The following HPS5 variants were observed in gnomAD, a reference collection of about 807,000 sequenced individuals.
HPS5 encodes BLOC-2 complex member HPS5.
A neutral mutation model predicts 128.0 loss-of-function variants in HPS5; 83 were observed. The ratio of observed to expected loss-of-function variants is 0.65; its 90% CI spans 0.54 to 0.78. The LOEUF (loss-of-function observed/expected upper bound fraction) is 0.78, where lower values mean the gene tolerates loss of function less well. HPS5 is among the 30% of genes least tolerant of loss of function. HPS5 has a pLI of 0.00. For synonymous variants in HPS5, 475 were observed against 470.2 expected (o/e 1.01, Z -0.13); for missense variants, 1,281 against 1,326.2 (o/e 0.97, Z 0.53).
chr11:18,306,480 G>GA (rs1433705757), intron 6 of HPS5, 133 bp from the exon 7 acceptor site: 7 of 644,842 alleles, frequency 1.1e-5, no homozygotes, highest in Middle Eastern at 3.9e-4. Flanking sequence ...GCAATATACT[G>GA]AAAAAAACAA....
At chr11:18,280,378 C>A (rs1254695060) in intron 22 of HPS5, 8 of 567,528 alleles carry the variant, frequency 1.4e-5, no homozygotes, top group African/African-American at 9.5e-5. Flanking sequence ...AAAACAACAA[C>A]AGAAAATGAC....
chr11:18,293,688 G>A lies in HPS5; in HGVS notation c.1785-712C>T, dbSNP rs376716067. Among the ~76,000 whole-genome samples the A allele has an allele frequency of 1.6e-4, 25 of 152,208 alleles. No individual in the cohort carries two copies. In the South Asian group the frequency reaches 3.3e-3, roughly 20 times the overall value. On this transcript the variant is annotated intron_variant, in intron 14 of 22. Coordinates refer to ENST00000349215, the MANE Select transcript of HPS5 (RefSeq NM_181507.2). ...ATTGTGATATGAAAGCAGAGAAGAAGAAATAATTTTTCTGAGTAGGGAAAG... is the reference window on the plus strand; with the variant it reads ...ATTGTGATATGAAAGCAGAGAAGAAAAAATAATTTTTCTGAGTAGGGAAAG...
At chr11:18,297,802 G>A (rs958488383) in intron 10 of HPS5, 85 bp from the exon 11 acceptor site, 29 of 1,325,126 alleles carry the variant, frequency 2.2e-5, no homozygotes, top group Middle Eastern at 2.3e-4. Context: ...GGTCTAGGCC[G>A]GGCACGGTGG....
intron 18 of HPS5, 101 bp downstream of exon 18, chr11:18,287,434 C>G: frequency 7.6e-7 from 1 of 1,318,964 alleles, no homozygotes; most frequent in Non-Finnish European, 1.1e-6. Context: ...GTGCCTCAAC[C>G]CCTTGGTAAT....
chr11:18,306,857 C>T (rs1862430409), intron 6 of HPS5, among the ~76,000 whole-genome samples: 1 of 152,190 alleles, frequency 6.6e-6, no homozygotes, highest in Non-Finnish European at 1.5e-5. Flanking sequence ...GCATTCTGTT[C>T]CCTTAGGATT....
At position 18,312,088 on chromosome 11, in the gene HPS5, G is replaced by A. The variant is rs1863086793; in HGVS notation, c.109-64C>T. ...TACTTAACCAAATAGACTATCCACT[G>A]AAAATAAATACTGAGGATTTATGCA... On this transcript the variant is annotated intron_variant, in intron 2 of 22. Coordinates refer to ENST00000349215, the MANE Select transcript of HPS5 (RefSeq NM_181507.2). 7.2e-6 allele frequency: 9 copies of A among 1,243,436 alleles called. No individual in the cohort carries two copies. The South Asian group carries it at 9.6e-5, about 13-fold the overall frequency. 77.0% of individuals were successfully genotyped at this position (1,243,436 alleles called of 1,614,324 possible).
Position 18,295,188 on chromosome 11 carries a change from A to C in HPS5, c.1635-19T>G. 1 of 1,611,030 alleles carries C rather than the reference A, an allele frequency of 6.2e-7. No homozygotes were observed. The highest frequency in any genetic ancestry group is 1.3e-5 in the African/African-American group (1 of 74,980). On this transcript the variant is annotated intron_variant, in intron 13 of 22. Transcript: ENST00000349215. ...AGAAACACTAGAAGTCAAATAACAA[A>C]AAACTAACATGAATAAAAACTTATT... is the stretch of plus-strand genomic sequence containing the variant.
chr11:18,293,455 G>A (rs1860691741), intron 14 of HPS5, among the ~76,000 whole-genome samples: 1 of 152,112 alleles, frequency 6.6e-6, no homozygotes, highest in Admixed American at 6.6e-5. Context: ...CACCGCACCT[G>A]ACCCTTGGAC....
chr11:18,281,255 A>ATTTTTTTT (rs1236371776), intron 22 of HPS5, among the ~76,000 whole-genome samples: 1 of 99,958 alleles, frequency 1.0e-5, no homozygotes, highest in Non-Finnish European at 2.2e-5. Flanking sequence ...ATTTTTTTGC[A>ATTTTTTTT]TTTTTTTTTT....
In HPS5 at chr11:18,283,098, T is replaced by G. The variant is rs1859233047; in HGVS notation, c.3058+697A>C. Among the ~76,000 whole-genome samples the G allele has an allele frequency of 2.0e-5, 3 of 152,140 alleles. No individual in the cohort carries two copies. In the South Asian group the frequency reaches 6.2e-4, roughly 32 times the overall value. The stretch of plus-strand genomic sequence containing the variant: ...CTCACTGCAACCTCCACCTCCCAGG[T>G]TCAAGCAATTCTCCTGCCTCAGCCT... On this transcript the variant is annotated intron_variant, in intron 21 of 22. Coordinates refer to ENST00000349215, the MANE Select transcript of HPS5 (RefSeq NM_181507.2).
intron 14 of HPS5, among the ~76,000 whole-genome samples, chr11:18,293,928 A>AT (rs1554934310): frequency 7.9e-5 from 12 of 152,042 alleles, no homozygotes; most frequent in African/African-American, 1.9e-4. Flanking sequence ...AAAAATCTGT[A>AT]TTTTTTCTAT....
intron 22 of HPS5, chr11:18,280,547 A>G (rs1339341865): frequency 8.6e-6 from 6 of 699,450 alleles, no homozygotes; most frequent in East Asian, 8.1e-5. Flanking sequence ...TATATACCCG[A>G]AAGAACTGAA....
At chr11:18,312,101 G>A (rs1301207163) in intron 2 of HPS5, 77 bp from the exon 3 acceptor site, 1 of 1,081,422 alleles carries the variant, frequency 9.2e-7, no homozygotes, top group Non-Finnish European at 1.4e-6. Flanking sequence ...AATAAATACT[G>A]AGGATTTATG....
rs1175073730 is a variant in HPS5, at chr11:18,281,958, T to A, written c.3321A>T (p.Lys1107Asn). ...GGACAAACTGATATTACCTCTGCCTTTTCTCAGCAATCCTCAGGATATCGC... is the reference window on the plus strand; with the variant it reads ...GGACAAACTGATATTACCTCTGCCTATTCTCAGCAATCCTCAGGATATCGC... ...RTCDILRIAE[K>N]RQRALIQSML... Residue 1107 changes from lysine to asparagine, a missense_variant, in exon 22 of 23, where the codon AAA becomes AAT. Physicochemically the swap from Lys to Asn is moderately conservative, Grantham distance 94. Transcript: ENST00000349215. 6.2e-7 allele frequency: 1 copy of A among 1,614,078 alleles called. No individual in the cohort carries two copies. The highest frequency in any genetic ancestry group is 1.3e-5 in the African/African-American group (1 of 74,920).
At chr11:18,311,052 A>G in intron 4 of HPS5, 119 bp from the exon 5 acceptor site, 1 of 784,376 alleles carries the variant, frequency 1.3e-6, no homozygotes. Context: ...GAAAAGAGGA[A>G]GTATTATAAA....
chr11:18,307,385 T>C (rs1862494350), intron 6 of HPS5, among the ~76,000 whole-genome samples: 1 of 152,156 alleles, frequency 6.6e-6, no homozygotes, highest in East Asian at 1.9e-4. Context: ...GGTGTAAGAG[T>C]GCTTTGAAAT....
intron 2 of HPS5, among the ~76,000 whole-genome samples, chr11:18,316,235 C>T (rs1383614431): frequency 2.0e-5 from 3 of 151,804 alleles, no homozygotes; most frequent in African/African-American, 7.3e-5. Flanking sequence ...TTTGAGGTTA[C>T]AGTGAGCTAG....
At chr11:18,319,255 C>CCACA (rs10531816) in intron 1 of HPS5, among the ~76,000 whole-genome samples, 4,758 of 139,170 alleles carry the variant, frequency 0.034, 195 homozygotes, top group African/African-American at 0.096. Context: ...AAGACAAATA[C>CCACA]CACACACACA....
intron 12 of HPS5, 80 bp downstream of exon 12, chr11:18,296,718 G>T: frequency 7.9e-7 from 1 of 1,270,864 alleles, no homozygotes; most frequent in Non-Finnish European, 1.2e-6. Flanking sequence ...GAAATTCCGT[G>T]CACAAGATAA....
Sources: allele counts gnomAD v4.1 joint callset (sites outside exome capture counted in the v4.1 genomes callset), GRCh38; gene constraint gnomAD v4.1.1; transcripts MANE v1.5; gene names NCBI Gene and HGNC (gene_info 2026-07-23, HGNC 2026-07-21).